SPATA13: variants seen among roughly 807,000 people sequenced by gnomAD.
SPATA13 encodes spermatogenesis-associated protein 13.
A neutral mutation model predicts 104.0 loss-of-function variants in SPATA13; 50 were observed. The observed-to-expected ratio is 0.48, with a 90% CI of 0.38 to 0.61. The LOEUF (loss-of-function observed/expected upper bound fraction) is 0.61, where lower values mean the gene tolerates loss of function less well. Ranked by LOEUF, SPATA13 falls within the 20% of genes least tolerant of loss-of-function variation. The pLI is 0.00. For synonymous variants in SPATA13, 606 were observed against 667.5 expected, an observed-to-expected ratio of 0.91 and a Z score of 1.42; for missense variants, 1,524 against 1,690.6, an observed-to-expected ratio of 0.90 and a Z score of 1.73.
chr13:24,082,547 G>A (rs976953036), intron 3 of SPATA13, among the ~76,000 whole-genome samples: 2 of 152,052 alleles, frequency 1.3e-5, no homozygotes, highest in East Asian at 1.9e-4. Flanking sequence ...TTGGCCGGGC[G>A]CGGTGGCTCA....
chr13:24,024,454 T>TTATC (rs1877118010), intron 3 of SPATA13, among the ~76,000 whole-genome samples: 4 of 151,900 alleles, frequency 2.6e-5, no homozygotes, highest in Admixed American at 2.6e-4. Flanking sequence ...TTCTCTTGGG[T>TTATC]TGTCTAGTGA....
intron 3 of SPATA13, among the ~76,000 whole-genome samples, chr13:24,027,379 C>A (rs1013572909): frequency 6.6e-6 from 1 of 150,828 alleles, no homozygotes; most frequent in East Asian, 2.0e-4. Context: ...ATGATCCACC[C>A]GCCTCGGCCT....
chr13:24,225,493 A>C (rs568010723), intron 2 of SPATA13, among the ~76,000 whole-genome samples: 25 of 152,360 alleles, frequency 1.6e-4, no homozygotes, highest in Non-Finnish European at 3.2e-4. Flanking sequence ...GGGCTCCCAG[A>C]AGGGCCACAG....
At chr13:24,231,475 T>C (rs1872271102) in intron 2 of SPATA13, among the ~76,000 whole-genome samples, 1 of 152,240 alleles carries the variant, frequency 6.6e-6, no homozygotes, top group Non-Finnish European at 1.5e-5. Flanking sequence ...TGCATGGCTA[T>C]CTATACCGCA....
chr13:24,013,386 T>C (rs1356258383), intron 2 of SPATA13, among the ~76,000 whole-genome samples: 4 of 152,230 alleles, frequency 2.6e-5, no homozygotes, highest in Admixed American at 2.6e-4. Flanking sequence ...TCAGTTTCCC[T>C]CCTGGTTTGT....
chr13:24,300,267 G>A (rs958459340), intron 11 of SPATA13, 134 bp from the exon 12 acceptor site: 17 of 648,852 alleles, frequency 2.6e-5, no homozygotes, highest in African/African-American at 1.7e-4. Context: ...ACCTGTCCAC[G>A]TTCTTTGAGG....
At chr13:24,288,008 A>G (rs867692612) in intron 7 of SPATA13, among the ~76,000 whole-genome samples, 1 of 152,202 alleles carries the variant, frequency 6.6e-6, no homozygotes, top group African/African-American at 2.4e-5. Flanking sequence ...TGGACATGCC[A>G]GTGTTTAGCT....
intron 2 of SPATA13, chr13:24,017,576 A>G (rs1876776338): frequency 1.8e-6 from 1 of 567,982 alleles, no homozygotes; most frequent in South Asian, 7.7e-5. Context: ...TTTTTAGATC[A>G]GATAGACCCT....
At chr13:24,042,125 G>T (rs9553149) in intron 3 of SPATA13, among the ~76,000 whole-genome samples, 73,004 of 114,290 alleles carry the variant, frequency 0.64, 19,355 homozygotes, top group East Asian at 0.7. Flanking sequence ...GAGAAAGCGC[G>T]GTGTCCTCTG....
At chr13:24,187,307 C>T (rs560112374) in intron 1 of SPATA13, among the ~76,000 whole-genome samples, 4 of 152,246 alleles carry the variant, frequency 2.6e-5, no homozygotes, top group Admixed American at 6.5e-5. Context: ...GAAGAAACTA[C>T]GCTTCTGGTT....
intron 9 of SPATA13, among the ~76,000 whole-genome samples, chr13:24,292,449 T>C (rs1348045568): frequency 6.6e-6 from 1 of 152,170 alleles, no homozygotes; most frequent in Non-Finnish European, 1.5e-5. Context: ...GCTGACTCTT[T>C]TAGATGAGAA....
In SPATA13 at chr13:24,065,278, A is replaced by G. The variant is rs181233951; in HGVS notation, c.-112+47577A>G. On this transcript the variant is annotated intron_variant, in intron 3 of 14. Coordinates refer to the SPATA13 transcript ENST00000424834. ...TTAAGGTGATTCTTAAACTTCCCCC[A>G]TGTGCTGAGCTTCAGAGTGGGGGTT... 3.7e-3 allele frequency among the ~76,000 whole-genome samples: 569 copies of G among 152,112 alleles called. 8 individuals carry two copies. The highest frequency in any genetic ancestry group is 0.013 in the African/African-American group (526 of 41,494).
intron 3 of SPATA13, among the ~76,000 whole-genome samples, chr13:24,113,433 T>A (rs898876556): frequency 1.3e-5 from 2 of 152,026 alleles, no homozygotes; most frequent in African/African-American, 4.8e-5. Context: ...AGAAACCCCA[T>A]CTCTACTGAC....
chr13:24,249,675 G>A lies in SPATA13; in HGVS notation c.1852G>A (p.Val618Met). 1.2e-6 allele frequency: 2 copies of A among 1,614,242 alleles called. No homozygotes were observed. The highest frequency in any genetic ancestry group is 1.7e-6 in the Non-Finnish European group (2 of 1,180,038). Reference protein sequence around the residue: ...VAADPQKEDRVDEDPQASMTS... With the variant: ...VAADPQKEDRMDEDPQASMTS... Reference sequence around the variant, plus strand: ...TGCAGACCCCCAGAAGGAAGACCGTGTGGACGAGGACCCCCAGGCAAGCAT... The same window carrying A: ...TGCAGACCCCCAGAAGGAAGACCGTATGGACGAGGACCCCCAGGCAAGCAT... The change falls in exon 3 of 13, where the codon GTG becomes ATG. Residue 618 changes from valine to methionine, a missense_variant. Physicochemically the swap from Val to Met is conservative, Grantham distance 21. Around this residue, in one of 2 missense-constraint regions of SPATA13, gnomAD observed 1,089 missense variants for 1,135.9 expected, o/e 0.96. Transcript: ENST00000382108.
At chr13:24,237,483 C>T (rs756686752) in intron 2 of SPATA13, among the ~76,000 whole-genome samples, 7 of 152,062 alleles carry the variant, frequency 4.6e-5, no homozygotes, top group Admixed American at 1.3e-4. Flanking sequence ...ACATGAGATC[C>T]GTAGAGTAGT....
At chr13:24,044,233 C>CTTTTTTT (rs67709070) in intron 3 of SPATA13, among the ~76,000 whole-genome samples, 1 of 123,012 alleles carries the variant, frequency 8.1e-6, no homozygotes. Flanking sequence ...TTCTTTCTTT[C>CTTTTTTT]TTTTTTTTTT....
chr13:24,208,128 T>C (rs985775109), intron 1 of SPATA13, among the ~76,000 whole-genome samples: 4 of 152,330 alleles, frequency 2.6e-5, no homozygotes, highest in South Asian at 4.1e-4. Flanking sequence ...GCTGAAATTC[T>C]TTTGTCAGCA....
At chr13:24,130,363 C>A (rs759219160) in intron 3 of SPATA13, among the ~76,000 whole-genome samples, 2 of 152,162 alleles carry the variant, frequency 1.3e-5, no homozygotes, top group Non-Finnish European at 2.9e-5. Flanking sequence ...CAAAAGGGGA[C>A]TGTTTGGCAA....
intron 3 of SPATA13, among the ~76,000 whole-genome samples, chr13:24,052,614 T>G (rs1878383713): frequency 6.6e-6 from 1 of 151,854 alleles, no homozygotes; most frequent in African/African-American, 2.4e-5. Context: ...CTGTGGATAC[T>G]GGCCTGGTGA....
Sources: gnomAD v4.1 joint callset for allele counts (sites outside exome capture counted in the v4.1 genomes callset) on GRCh38, gnomAD v4.1.1 for gene constraint, gnomAD v4.1.1 regional missense constraint, MANE v1.5 for transcripts, NCBI Gene and HGNC (gene_info 2026-07-23, HGNC 2026-07-21) for gene names.